PTPRZ1: variants seen among roughly 807,000 people sequenced by gnomAD.
PTPRZ1 encodes the protein protein tyrosine phosphatase receptor type Z1.
Under a neutral mutation model 214.1 loss-of-function variants are expected in PTPRZ1, and 82 were observed. The observed-to-expected ratio is 0.38, with a 90% CI of 0.32 to 0.46. The LOEUF is 0.46. PTPRZ1 is among the 20% of genes least tolerant of loss of function. The probability of loss-of-function intolerance (pLI) is 1.00; values close to 1 mark genes in which losing one functional copy is unlikely to be tolerated. For missense variants in PTPRZ1, 2,603 were observed against 2,748.7 expected, an observed-to-expected ratio of 0.95 and a Z score of 1.19; for synonymous variants, 945 against 987.9, an observed-to-expected ratio of 0.96 and a Z score of 0.81.
intron 9 of PTPRZ1, among the ~76,000 whole-genome samples, chr7:121,997,095 C>T (rs953571043): frequency 6.6e-6 from 1 of 152,114 alleles, no homozygotes; most frequent in Non-Finnish European, 1.5e-5. Context: ...CCAGCGCATG[C>T]GAATAAAGTA....
intron 13 of PTPRZ1, among the ~76,000 whole-genome samples, chr7:122,023,275 A>T (rs1799075370): frequency 6.6e-6 from 1 of 151,386 alleles, no homozygotes. Flanking sequence ...GACAGAACAA[A>T]TTCAAAGTGA....
intron 1 of PTPRZ1, among the ~76,000 whole-genome samples, chr7:121,919,598 A>G (rs1795530188): frequency 6.6e-6 from 1 of 152,040 alleles, no homozygotes; most frequent in South Asian, 2.1e-4. Flanking sequence ...AATAGTTTTT[A>G]TGCATCTTTT....
chr7:122,042,629 C>A lies in PTPRZ1; in HGVS notation c.5823C>A (p.Gly1941=), dbSNP rs751543592. The part of the protein sequence containing the change: ...VHCSAGVGRT[G]TYIVLDSMLQ... Reference sequence around the variant, plus strand: ...TCAGTGCTGGAGTTGGAAGAACAGGCACATATATTGTGCTAGACAGTATGT... The same window carrying A: ...TCAGTGCTGGAGTTGGAAGAACAGGAACATATATTGTGCTAGACAGTATGT... The change falls in exon 22 of 30, where the codon GGC becomes GGA. Residue 1941 remains glycine, a synonymous_variant. Coordinates refer to ENST00000393386, the MANE Select transcript of PTPRZ1 (RefSeq NM_002851.3). 6.2e-7 allele frequency: 1 copy of A among 1,606,498 alleles called. No homozygotes were observed. The highest frequency in any genetic ancestry group is 1.7e-5 in the Admixed American group (1 of 59,562).
At chr7:122,043,760 T>A (rs1264740095) in intron 22 of PTPRZ1, among the ~76,000 whole-genome samples, 2 of 151,968 alleles carry the variant, frequency 1.3e-5, no homozygotes, top group African/African-American at 2.4e-5. Context: ...TTTCAGAGGG[T>A]GGAGGATGGC....
intron 15 of PTPRZ1, 163 bp downstream of exon 15, chr7:122,031,722 T>A: frequency 2.3e-6 from 1 of 431,922 alleles, no homozygotes; most frequent in Non-Finnish European, 4.1e-6. Context: ...GTGTTATAGT[T>A]ACTATATAAT....
chr7:121,879,002 TCTTTAATGTCAC>T (rs1794149283), intron 1 of PTPRZ1, among the ~76,000 whole-genome samples: 1 of 152,180 alleles, frequency 6.6e-6, no homozygotes, highest in Non-Finnish European at 1.5e-5. Flanking sequence ...GACCTGTCCA[TCTTTAATGTCAC>T]TTCTGGTACG....
At chr7:121,953,005 A>G (rs1237669641) in intron 2 of PTPRZ1, among the ~76,000 whole-genome samples, 2 of 152,198 alleles carry the variant, frequency 1.3e-5, no homozygotes, top group Non-Finnish European at 2.9e-5. Context: ...AAATAAGTGG[A>G]AATTCAGGAA....
chr7:122,034,278 A>G lies in PTPRZ1; in HGVS notation c.5188-4A>G, dbSNP rs1308944140. ...TAAAATGATTTACATATAATTTTTT[A>G]CAGGAAGTGCAGAGCTGTACTGTTG... On this transcript the variant is annotated splice_region_variant and splice_polypyrimidine_tract_variant and intron_variant, in intron 16 of 29. Coordinates refer to ENST00000393386, the MANE Select transcript of PTPRZ1 (RefSeq NM_002851.3). 1.9e-6 allele frequency: 3 copies of G among 1,610,740 alleles called. No individual in the cohort carries two copies. The highest frequency in any genetic ancestry group is 1.7e-5 in the Admixed American group (1 of 59,464).
Position 121,873,216 on chromosome 7 carries a change from T to G in PTPRZ1, c.-284T>G, listed in dbSNP as rs1341343393. 5 of 426,460 alleles carry G rather than the reference T, an allele frequency of 1.2e-5. No homozygotes were observed. In the South Asian group the frequency reaches 3.0e-4, roughly 25 times the overall value. 26.4% of individuals were successfully genotyped at this position (426,460 alleles called of 1,614,324 possible). On this transcript the variant is annotated 5_prime_UTR_variant, in exon 1 of 30. It removes an upstream start codon present in the reference 5' UTR. Transcript: ENST00000393386. ...GCAAAGTCCCGCACGCCGGAGGACA[T>G]GCGCCTCGGCTAGCGGCCCCGGGCC...
chr7:121,955,171 A>G (rs772486811), intron 2 of PTPRZ1, among the ~76,000 whole-genome samples: 1 of 152,242 alleles, frequency 6.6e-6, no homozygotes, highest in Non-Finnish European at 1.5e-5. Flanking sequence ...AGCTGTAGTC[A>G]TGCCCCATAT....
intron 11 of PTPRZ1, among the ~76,000 whole-genome samples, chr7:122,009,471 A>C (rs1798583296): frequency 1.3e-5 from 2 of 151,920 alleles, no homozygotes; most frequent in Non-Finnish European, 2.9e-5. Flanking sequence ...AAAAAAAAAA[A>C]AACTTGATAA....
chr7:121,982,907 A>T (rs1797655461), intron 6 of PTPRZ1, among the ~76,000 whole-genome samples: 1 of 152,050 alleles, frequency 6.6e-6, no homozygotes, highest in South Asian at 2.1e-4. Flanking sequence ...ACTCTTGAGT[A>T]GCTGGAACTA....
In PTPRZ1 at chr7:121,979,627, TTC is replaced by T. The variant is rs1298145515; in HGVS notation, c.619+2777_619+2778del. Among the ~76,000 whole-genome samples the T allele has an allele frequency of 2.6e-5, 4 of 152,332 alleles. No individual in the cohort carries two copies. The East Asian group carries it at 7.7e-4, about 29-fold the overall frequency. On this transcript the variant is annotated intron_variant, in intron 6 of 29. Coordinates refer to ENST00000393386, the MANE Select transcript of PTPRZ1 (RefSeq NM_002851.3). ...TCTTTGTTCCTCCCCATCTTTTTTC[TTC>T]CACCATTAGCCTTCTCATGGACGGA...
chr7:121,981,548 C>T, intron 6 of PTPRZ1, among the ~76,000 whole-genome samples: 1 of 152,182 alleles, frequency 6.6e-6, no homozygotes, highest in East Asian at 1.9e-4. Flanking sequence ...TTGCTGCCTA[C>T]ATGAGTGAGG....
At chr7:121,956,515 C>T (rs1288059146) in intron 2 of PTPRZ1, among the ~76,000 whole-genome samples, 1 of 152,188 alleles carries the variant, frequency 6.6e-6, no homozygotes, top group Non-Finnish European at 1.5e-5. Context: ...ACAACCGACC[C>T]TGACTTTCAG....
At chr7:122,039,651 A>T (rs1799655187) in intron 20 of PTPRZ1, 63 bp downstream of exon 20, 1 of 1,569,234 alleles carries the variant, frequency 6.4e-7, no homozygotes, top group South Asian at 1.1e-5. Flanking sequence ...TTTTAAGTGA[A>T]TAAGCGATAG....
intron 1 of PTPRZ1, among the ~76,000 whole-genome samples, chr7:121,887,900 G>A (rs1303860331): frequency 1.3e-5 from 2 of 152,118 alleles, no homozygotes; most frequent in East Asian, 3.9e-4. Flanking sequence ...CCAGCCAAGA[G>A]CATTTCTCTC....
At chr7:121,966,822 G>A (rs1797059247) in intron 2 of PTPRZ1, 1 of 152,128 alleles carries the variant, frequency 6.6e-6, no homozygotes, top group African/African-American at 2.4e-5. Flanking sequence ...CACAAAAGAA[G>A]ACAGTGTAGA....
intron 1 of PTPRZ1, chr7:121,908,618 T>A (rs575727232): frequency 2.6e-6 from 1 of 384,694 alleles, no homozygotes; most frequent in South Asian, 2.0e-5. Context: ...CATTACCCTT[T>A]AATTACAAGT....
Sources: allele counts gnomAD v4.1 joint callset (sites outside exome capture counted in the v4.1 genomes callset), GRCh38; gene constraint gnomAD v4.1.1; transcripts MANE v1.5; gene names NCBI Gene and HGNC (gene_info 2026-07-23, HGNC 2026-07-21).